The following IPCEF1 variants were observed in gnomAD, a reference collection of about 807,000 sequenced individuals.
The protein encoded by IPCEF1 is interaction protein for cytohesin exchange factors 1, also known as interactor protein for cytohesin exchange factors 1.
In IPCEF1, 31 loss-of-function variants were observed where a neutral mutation model predicts 50.9. The observed-to-expected ratio is 0.61, with a 90% confidence interval of 0.46 to 0.82. The LOEUF (loss-of-function observed/expected upper bound fraction) is 0.82, where lower values mean the gene tolerates loss of function less well. Among genes scored for constraint, IPCEF1 ranks in the 40% least tolerant of loss-of-function variants. The probability of loss-of-function intolerance (pLI) is 0.00; values close to 1 mark genes in which losing one functional copy is unlikely to be tolerated. For synonymous variants in IPCEF1, 181 were observed against 192.0 expected (o/e 0.94, Z 0.47); for missense variants, 458 against 514.0 (o/e 0.89, Z 1.05).
At chr6:154,215,108 C>T (rs1466503145) in intron 7 of IPCEF1, among the ~76,000 whole-genome samples, 1 of 152,144 alleles carries the variant, frequency 6.6e-6, no homozygotes, top group African/African-American at 2.4e-5. Flanking sequence ...CCGTGCTACA[C>T]GTTTATCAAT....
At chr6:154,177,320 G>A (rs1201375529) in intron 10 of IPCEF1, among the ~76,000 whole-genome samples, 1 of 152,178 alleles carries the variant, frequency 6.6e-6, no homozygotes, top group Non-Finnish European at 1.5e-5. Flanking sequence ...CTTCTGCACA[G>A]CAAAAGAAAC....
chr6:154,172,463 G>A (rs12214381), intron 10 of IPCEF1, among the ~76,000 whole-genome samples: 29,420 of 152,082 alleles, frequency 0.19, 3,449 homozygotes, highest in East Asian at 0.41. Flanking sequence ...CACAGTCTTC[G>A]CAACCAGCAG....
At chr6:154,284,944 G>C (rs1782322873) in intron 2 of IPCEF1, among the ~76,000 whole-genome samples, 2 of 152,030 alleles carry the variant, frequency 1.3e-5, no homozygotes, top group Admixed American at 1.3e-4. Context: ...AGGTTGCAGT[G>C]AGCCGAGATC....
chr6:154,213,501 C>A (rs1401696341), intron 8 of IPCEF1, among the ~76,000 whole-genome samples: 1 of 152,168 alleles, frequency 6.6e-6, no homozygotes, highest in African/African-American at 2.4e-5. Context: ...GCACGGTACC[C>A]CTTTACTGTT....
intron 1 of IPCEF1, among the ~76,000 whole-genome samples, chr6:154,347,377 T>A (rs554564571): frequency 6.6e-6 from 1 of 152,298 alleles, no homozygotes; most frequent in South Asian, 2.1e-4. Flanking sequence ...GGTTTGAAGT[T>A]CCCTGAACCT....
At chr6:154,305,422 T>C (rs1469523712) in intron 1 of IPCEF1, among the ~76,000 whole-genome samples, 1 of 152,214 alleles carries the variant, frequency 6.6e-6, no homozygotes, top group African/African-American at 2.4e-5. Context: ...TGTATCTCTG[T>C]CTTCTGCCTC....
At chr6:154,271,201 AAAAAT>A (rs1781894411) in intron 2 of IPCEF1, among the ~76,000 whole-genome samples, 1 of 141,206 alleles carries the variant, frequency 7.1e-6, no homozygotes, top group Non-Finnish European at 1.6e-5. Flanking sequence ...TCTACAAAAA[AAAAAT>A]AAATAAATAA....
intron 1 of IPCEF1, among the ~76,000 whole-genome samples, chr6:154,331,411 GAGAA>G (rs59091908): frequency 2.4e-4 from 29 of 121,634 alleles, no homozygotes; most frequent in African/African-American, 6.8e-4. Flanking sequence ...AAGAAAGAGA[GAGAA>G]AAAGAAAGAG....
intron 5 of IPCEF1, among the ~76,000 whole-genome samples, chr6:154,232,114 A>T (rs2128627517): frequency 6.6e-6 from 1 of 152,252 alleles, no homozygotes; most frequent in Non-Finnish European, 1.5e-5. Context: ...CTCTCCATAC[A>T]ATAGCGTCCA....
chr6:154,248,794 G>T (rs902068222), intron 3 of IPCEF1, among the ~76,000 whole-genome samples: 1 of 151,974 alleles, frequency 6.6e-6, no homozygotes, highest in Admixed American at 6.6e-5. Context: ...GTCTTATAAA[G>T]ATTTTACAAG....
At chr6:154,283,328 G>T (rs1437565871) in intron 2 of IPCEF1, among the ~76,000 whole-genome samples, 1 of 141,402 alleles carries the variant, frequency 7.1e-6, no homozygotes, top group African/African-American at 2.6e-5. Flanking sequence ...CGGGCACAGT[G>T]CCTCACACCT....
At chr6:154,276,163 A>G (rs141871810) in intron 2 of IPCEF1, among the ~76,000 whole-genome samples, 2,075 of 151,968 alleles carry the variant, frequency 0.014, 50 homozygotes, top group African/African-American at 0.048. Context: ...CAGCCTGGGC[A>G]ACAGAGAGAG....
At chr6:154,301,299 G>T (rs996893784) in intron 1 of IPCEF1, among the ~76,000 whole-genome samples, 1 of 152,142 alleles carries the variant, frequency 6.6e-6, no homozygotes, top group African/African-American at 2.4e-5. Flanking sequence ...TACGTGGATC[G>T]TCATCTCCTG....
intron 10 of IPCEF1, among the ~76,000 whole-genome samples, chr6:154,169,056 A>C (rs1427377225): frequency 6.6e-6 from 1 of 151,326 alleles, no homozygotes; most frequent in Non-Finnish European, 1.5e-5. Flanking sequence ...TCTAAGACCA[A>C]AAGCTCACCC....
intron 1 of IPCEF1, among the ~76,000 whole-genome samples, chr6:154,311,919 G>T (rs1422584237): frequency 1.3e-5 from 2 of 152,108 alleles, no homozygotes; most frequent in East Asian, 1.9e-4. Context: ...ATACAACTAC[G>T]ATATGGGCCA....
intron 9 of IPCEF1, among the ~76,000 whole-genome samples, chr6:154,201,744 A>C (rs985375712): frequency 6.6e-6 from 1 of 152,030 alleles, no homozygotes; most frequent in Non-Finnish European, 1.5e-5. Flanking sequence ...AAAATACAAA[A>C]ATTAGCAGGA....
At chr6:154,192,736 T>C (rs1027275886) in intron 10 of IPCEF1, among the ~76,000 whole-genome samples, 1 of 152,016 alleles carries the variant, frequency 6.6e-6, no homozygotes, top group Non-Finnish European at 1.5e-5. Flanking sequence ...AAAGAAGACA[T>C]ACAAATGGCC....
chr6:154,199,719 C>A lies in IPCEF1; in HGVS notation c.859G>T (p.Asp287Tyr). The A allele has an allele frequency of 1.2e-6, 2 of 1,613,932 alleles. No individual in the cohort carries two copies. The highest frequency in any genetic ancestry group is 1.1e-5 in the South Asian group (1 of 91,012). Residue 287 changes from aspartate to tyrosine, a missense_variant, in exon 10 of 12, where the codon GAC becomes TAC. Transcript: ENST00000367220. Reference protein sequence around the residue: ...DDTSSLSSNHDHLTVPDKPAG... With the variant: ...DDTSSLSSNHYHLTVPDKPAG... ...GGCTTATCTGGGACAGTAAGATGGT[C>A]ATGATTGCTACTCAATGAAGAAGTA...
chr6:154,348,631 A>G (rs537552674), intron 1 of IPCEF1, among the ~76,000 whole-genome samples: 1 of 152,304 alleles, frequency 6.6e-6, no homozygotes, highest in East Asian at 1.9e-4. Flanking sequence ...CTGCTTGACT[A>G]TTTTTTGTCA....
Sources: gnomAD v4.1 joint callset for allele counts (sites outside exome capture counted in the v4.1 genomes callset) on GRCh38, gnomAD v4.1.1 for gene constraint, MANE v1.5 for transcripts, NCBI Gene and HGNC (gene_info 2026-07-23, HGNC 2026-07-21) for gene names.